Variants in AASDH observed in about 807,000 individuals in gnomAD.
AASDH encodes beta-alanine-activating enzyme.
In AASDH, 81 loss-of-function variants were observed where a neutral mutation model predicts 102.3. The observed-to-expected ratio is 0.79, with a 90% CI of 0.66 to 0.95. The LOEUF is 0.95. AASDH is among the 40% of genes least tolerant of loss of function. AASDH has a pLI of 0.00. For missense variants in AASDH, 1,203 were observed against 1,266.2 expected, an observed-to-expected ratio of 0.95 and a Z score of 0.76; for synonymous variants, 398 against 454.0, an observed-to-expected ratio of 0.88 and a Z score of 1.57.
At chr4:56,347,678 G>T (rs1020364011) in intron 11 of AASDH, among the ~76,000 whole-genome samples, 3 of 152,182 alleles carry the variant, frequency 2.0e-5, no homozygotes, top group African/African-American at 7.2e-5. Context: ...GAGGTGGGCA[G>T]ATCGCTTGAG....
Position 56,374,367 on chromosome 4 carries a change from C to CAAA in AASDH, c.669-2725_669-2724insTTT, listed in dbSNP as rs752531940. ...TGGGTGACAGAGTGAGACTCTGTCT[C>CAAA]AGAAAAAAAAAAAAAAAAAAAAAGG... On this transcript the variant is annotated intron_variant, in intron 4 of 14. Coordinates refer to ENST00000205214, the MANE Select transcript of AASDH (RefSeq NM_181806.4). Among the ~76,000 whole-genome samples the CAAA allele has an allele frequency of 1.9e-3, 206 of 109,866 alleles. 19 individuals carry two copies. Among genetic ancestry groups the CAAA allele is most frequent in the African/African-American group, 2.1e-3 (64 of 30,006 alleles). 72.1% of individuals were successfully genotyped at this position (109,866 alleles called of 152,430 possible). A position where few individuals can be genotyped will look rare whatever the true frequency, so the allele number is the denominator to read the frequency against.
In AASDH at chr4:56,378,249, C is replaced by T; in HGVS notation, c.567G>A (p.Lys189=). The change falls in exon 4 of 15, where the codon AAG becomes AAA. Residue 189 remains lysine (K), a synonymous_variant. Transcript: ENST00000205214. The part of the protein sequence containing the change: ...KAEEHMDLRL[K]HCLAYVLHTS... ...TATGTAGAACATAGGCTAAGCAATG[C>T]TTTAGCCTCAGATCCATGTGTTCTT... 6.2e-7 allele frequency: 1 copy of T among 1,613,912 alleles called. No individual in the cohort carries two copies. Among genetic ancestry groups the T allele is most frequent in the Non-Finnish European group, 8.5e-7 (1 of 1,179,766 alleles).
At chr4:56,340,856 G>T (rs940534698) in intron 14 of AASDH, among the ~76,000 whole-genome samples, 1 of 151,994 alleles carries the variant, frequency 6.6e-6, no homozygotes, top group Non-Finnish European at 1.5e-5. Flanking sequence ...AGTGGGCAAG[G>T]GAGATGAATA....
In AASDH at chr4:56,338,487, GGAGAA is replaced by G. The variant is rs778348861; in HGVS notation, c.3207_3211del (p.Ser1070CysfsTer12). 16 of 1,613,938 alleles carry G rather than the reference GGAGAA, an allele frequency of 9.9e-6. No individual in the cohort carries two copies. Among genetic ancestry groups the G allele is most frequent in the South Asian group, 2.2e-5 (2 of 91,014 alleles). On this transcript the variant is annotated frameshift_variant, in exon 15 of 15. Transcript: ENST00000205214. LOFTEE classifies it high-confidence loss of function. ...AATGAGCATTGATTCCAGGACCACA[GGAGAA>G]GAGAAGACTTCTCCAGGAAGTTCAT...
rs1027221920 is a variant in AASDH, at chr4:56,343,481, T to G, written c.2775+81A>C. The G allele has an allele frequency of 3.0e-5, 36 of 1,190,246 alleles. No individual in the cohort carries two copies. The African/African-American group carries it at 5.0e-4, about 16-fold the overall frequency. The allele number at this position is 1,190,246 out of a possible 1,614,324, so 73.7% of individuals were successfully genotyped here. ...ACTACTACAATTAACTGAAAACTACTCAAACTTTCAAAGCTCAAAGCAAAA... is the reference window on the plus strand; with the variant it reads ...ACTACTACAATTAACTGAAAACTACGCAAACTTTCAAAGCTCAAAGCAAAA... On this transcript the variant is annotated intron_variant, in intron 13 of 14. Coordinates refer to ENST00000205214, the MANE Select transcript of AASDH (RefSeq NM_181806.4).
chr4:56,350,381 G>A (rs1027500563), intron 10 of AASDH, among the ~76,000 whole-genome samples: 1 of 152,064 alleles, frequency 6.6e-6, no homozygotes, highest in African/African-American at 2.4e-5. Context: ...TTGAACCCAG[G>A]GGGTGGAGGT....
chr4:56,386,737 G>A (rs1479673350), intron 1 of AASDH, among the ~76,000 whole-genome samples: 3 of 132,854 alleles, frequency 2.3e-5, no homozygotes, highest in African/African-American at 8.4e-5. Flanking sequence ...AGCTTGCAGT[G>A]AGCCGAGATT....
intron 4 of AASDH, among the ~76,000 whole-genome samples, chr4:56,376,156 T>C (rs1004377046): frequency 6.6e-6 from 1 of 151,888 alleles, no homozygotes; most frequent in Non-Finnish European, 1.5e-5. Context: ...CCCGAGTTGC[T>C]AGGATTATAG....
chr4:56,345,082 C>T, intron 12 of AASDH, 45 bp downstream of exon 12: 2 of 1,592,172 alleles, frequency 1.3e-6, no homozygotes, highest in South Asian at 1.1e-5. Context: ...ACTACCATTA[C>T]AGGCATGCGC....
chr4:56,374,786 G>A (rs148482564), intron 4 of AASDH, among the ~76,000 whole-genome samples: 325 of 152,104 alleles, frequency 2.1e-3, no homozygotes, highest in African/African-American at 7.5e-3. Flanking sequence ...TAGATACTGC[G>A]TCACAGATGG....
chr4:56,356,253 C>A (rs1382117397), intron 5 of AASDH: 1 of 877,190 alleles, frequency 1.1e-6, no homozygotes, highest in Non-Finnish European at 1.9e-6. Context: ...AATTTTGGCA[C>A]TGAGCAAGAC....
At chr4:56,363,158 C>A (rs551151938) in intron 5 of AASDH, among the ~76,000 whole-genome samples, 7 of 152,218 alleles carry the variant, frequency 4.6e-5, no homozygotes, top group East Asian at 1.9e-4. Flanking sequence ...AACCGCAAGG[C>A]GGCAGCGAGG....
rs1466467458 is a variant in AASDH at position 56,382,489 on chromosome 4, T to C, written c.339A>G (p.Lys113=). The change falls in exon 3 of 15, where the codon AAA becomes AAG. Residue 113 remains lysine, a synonymous_variant. Transcript: ENST00000205214. ...CATCCAGACTTACATTAATTTGTTT[T>C]TTTTCAACAAGGATATACTTTAGAT... ...KCNLKYILVE[K]KQINKFKSFH... The C allele has an allele frequency of 6.3e-7, 1 of 1,578,456 alleles. No individual in the cohort carries two copies. Among genetic ancestry groups the C allele is most frequent in the South Asian group, 1.1e-5 (1 of 87,938 alleles).
intron 1 of AASDH, among the ~76,000 whole-genome samples, chr4:56,384,848 T>C (rs1578093675): frequency 6.6e-6 from 1 of 152,016 alleles, no homozygotes; most frequent in Non-Finnish European, 1.5e-5. Context: ...CCGAGGTGGG[T>C]GGATCACTTG....
At chr4:56,351,108 T>C (rs188336359) in intron 10 of AASDH, among the ~76,000 whole-genome samples, 3 of 152,348 alleles carry the variant, frequency 2.0e-5, no homozygotes, top group Admixed American at 1.3e-4. Context: ...ACTTGTGCCT[T>C]TTATGACTAC....
In AASDH at chr4:56,345,417, G is replaced by C. The variant is rs552781607; in HGVS notation, c.2489-127C>G. The C allele has an allele frequency of 8.9e-5, 77 of 863,976 alleles. 1 individual carries two copies. The East Asian group carries it at 2.1e-3, about 23-fold the overall frequency. The allele number at this position is 863,976 out of a possible 1,614,324, so 53.5% of individuals were successfully genotyped here. ...ATAGGCTCTATGATAAGCTCATCTGGCTTACATTTTAGCAATGTAAAGCAG... is the reference window on the plus strand; with the variant it reads ...ATAGGCTCTATGATAAGCTCATCTGCCTTACATTTTAGCAATGTAAAGCAG... On this transcript the variant is annotated intron_variant, in intron 11 of 14. Coordinates refer to ENST00000205214, the MANE Select transcript of AASDH (RefSeq NM_181806.4).
chr4:56,374,367 C>CAAAAAAAAAAA lies in AASDH; in HGVS notation c.669-2725_669-2724insTTTTTTTTTTT, dbSNP rs752531940. ...TGGGTGACAGAGTGAGACTCTGTCT[C>CAAAAAAAAAAA]AGAAAAAAAAAAAAAAAAAAAAAGG... On this transcript the variant is annotated intron_variant, in intron 4 of 14. Coordinates refer to ENST00000205214, the MANE Select transcript of AASDH (RefSeq NM_181806.4). 5.4e-5 allele frequency among the ~76,000 whole-genome samples: 6 copies of CAAAAAAAAAAA among 110,220 alleles called. 1 individual carries two copies. Among genetic ancestry groups the CAAAAAAAAAAA allele is most frequent in the African/African-American group, 1.0e-4 (3 of 30,016 alleles). 72.3% of individuals were successfully genotyped at this position (110,220 alleles called of 152,430 possible). A position where few individuals can be genotyped will look rare whatever the true frequency, so the allele number is the denominator to read the frequency against.
At chr4:56,383,963 A>T (rs1358564461) in intron 2 of AASDH, 107 bp downstream of exon 2, 4 of 899,358 alleles carry the variant, frequency 4.4e-6, no homozygotes, top group Non-Finnish European at 6.8e-6. Flanking sequence ...TGACCAAACA[A>T]TATAGAAAAG....
chr4:56,381,308 T>C (rs912983361), intron 3 of AASDH, among the ~76,000 whole-genome samples: 5 of 152,166 alleles, frequency 3.3e-5, no homozygotes, highest in African/African-American at 1.2e-4. Flanking sequence ...TGGTGGCTCA[T>C]GCCTGTAATC....
Sources: allele counts gnomAD v4.1 joint callset (sites outside exome capture counted in the v4.1 genomes callset), GRCh38; gene constraint gnomAD v4.1.1; transcripts MANE v1.5; gene names NCBI Gene and HGNC (gene_info 2026-07-23, HGNC 2026-07-21).